PCGF5: variants seen among roughly 807,000 people sequenced by gnomAD.
PCGF5 encodes the protein polycomb group ring finger 5, also known as polycomb group RING finger protein 5.
Under a neutral mutation model 44.3 loss-of-function variants are expected in PCGF5, and 9 were observed. The ratio of observed to expected loss-of-function variants is 0.20; its 90% CI spans 0.12 to 0.35. The LOEUF is 0.35. Ranked by LOEUF, PCGF5 falls within the 10% of genes least tolerant of loss-of-function variation. PCGF5 has a pLI of 1.00. For synonymous variants in PCGF5, 95 were observed against 102.5 expected (o/e 0.93, Z 0.44); for missense variants, 146 against 305.3 (o/e 0.48, Z 3.89).
intron 9 of PCGF5, 33 bp from the exon 10 acceptor site, chr10:91,278,234 TAC>T (rs1269988583): frequency 1.3e-6 from 2 of 1,510,130 alleles, no homozygotes; most frequent in East Asian, 4.5e-5. Flanking sequence ...TTTATCCAAA[TAC>T]AGTCTTATTT....
chr10:91,173,965 A>G (rs1175564368), intron 1 of PCGF5, among the ~76,000 whole-genome samples: 1 of 151,930 alleles, frequency 6.6e-6, no homozygotes, highest in Non-Finnish European at 1.5e-5. Context: ...AGTATTGATG[A>G]TGATTTTGGG....
intron 7 of PCGF5, among the ~76,000 whole-genome samples, chr10:91,264,091 AG>A (rs1845989777): frequency 6.6e-6 from 1 of 152,192 alleles, no homozygotes; most frequent in African/African-American, 2.4e-5. Flanking sequence ...TTGTTCAGAA[AG>A]GGGCAGTCAC....
chr10:91,252,457 T>C (rs1845644836), intron 6 of PCGF5, among the ~76,000 whole-genome samples: 1 of 152,034 alleles, frequency 6.6e-6, no homozygotes, highest in Middle Eastern at 3.2e-3. Flanking sequence ...ATGTGAACAG[T>C]AGACAGTGAA....
At chr10:91,257,389 T>G (rs1254747159) in intron 6 of PCGF5, among the ~76,000 whole-genome samples, 1 of 152,124 alleles carries the variant, frequency 6.6e-6, no homozygotes, top group Non-Finnish European at 1.5e-5. Flanking sequence ...TGGAAAACAC[T>G]TTAGCAGTTC....
At chr10:91,172,599 G>GGGTC (rs1019297611) in intron 1 of PCGF5, among the ~76,000 whole-genome samples, 4 of 152,230 alleles carry the variant, frequency 2.6e-5, no homozygotes, top group African/African-American at 9.6e-5. Context: ...AGGAATGGAT[G>GGGTC]GGTCATCTCT....
Position 91,248,705 on chromosome 10 carries a change from G to C in PCGF5, c.306G>C (p.Lys102Asn). The change falls in exon 5 of 10, where the codon AAG (lysine) becomes AAC (asparagine). Residue 102 changes from lysine to asparagine, a missense_variant. By Grantham distance (94) the Lys-to-Asn change is moderately conservative. This residue lies in a region of PCGF5 where 123 missense variants were observed against 268.6 expected (regional missense o/e 0.46). Coordinates refer to ENST00000336126, the MANE Select transcript of PCGF5 (RefSeq NM_032373.5). ...AATCTGAATTTTGGAAGAAAAATAA[G>C]CCTCAAGAAAATGGACAAGGTGACT... ...ERESEFWKKN[K>N]PQENGQDDTS... is the part of the protein sequence containing the mutation. 6.2e-7 allele frequency: 1 copy of C among 1,608,906 alleles called. No individual in the cohort carries two copies. Among genetic ancestry groups the C allele is most frequent in the Non-Finnish European group, 8.5e-7 (1 of 1,177,778 alleles).
At chr10:91,277,156 C>A (rs1210965227) in intron 9 of PCGF5, among the ~76,000 whole-genome samples, 2 of 152,160 alleles carry the variant, frequency 1.3e-5, no homozygotes, top group Non-Finnish European at 2.9e-5. Flanking sequence ...CCCTCTAGTT[C>A]CATCCTGAGC....
intron 6 of PCGF5, 112 bp downstream of exon 6, chr10:91,251,552 A>T: frequency 9.9e-7 from 1 of 1,012,090 alleles, no homozygotes; most frequent in Non-Finnish European, 1.5e-6. Context: ...GTTTTAATTA[A>T]CATAATTAAA....
intron 3 of PCGF5, among the ~76,000 whole-genome samples, chr10:91,242,138 G>T (rs1201669894): frequency 6.6e-6 from 1 of 150,410 alleles, no homozygotes; most frequent in East Asian, 1.9e-4. Flanking sequence ...AATATCTGGA[G>T]ACATTTTTGG....
chr10:91,202,500 G>T (rs910324433), intron 1 of PCGF5, among the ~76,000 whole-genome samples: 4 of 152,188 alleles, frequency 2.6e-5, no homozygotes, highest in African/African-American at 9.7e-5. Context: ...GGATAAATTT[G>T]TAAGCTCTTA....
intron 1 of PCGF5, among the ~76,000 whole-genome samples, chr10:91,182,185 T>G (rs1843831085): frequency 6.6e-6 from 1 of 152,030 alleles, no homozygotes; most frequent in African/African-American, 2.4e-5. Context: ...TTCAATTTTT[T>G]GGAATAGTTC....
chr10:91,169,005 G>T (rs1373106364), intron 1 of PCGF5, among the ~76,000 whole-genome samples: 1 of 150,616 alleles, frequency 6.6e-6, no homozygotes, highest in Non-Finnish European at 1.5e-5. Flanking sequence ...GGTTGCAAGT[G>T]CAGAGGAAAG....
chr10:91,233,731 T>A (rs1845074457), intron 2 of PCGF5, among the ~76,000 whole-genome samples: 2 of 152,144 alleles, frequency 1.3e-5, no homozygotes, highest in Non-Finnish European at 2.9e-5. Flanking sequence ...AGTTTACTTA[T>A]AAACTGTTAG....
chr10:91,216,119 C>G (rs966107301), upstream of PCGF5, among the ~76,000 whole-genome samples: 18 of 152,196 alleles, frequency 1.2e-4, no homozygotes, highest in African/African-American at 4.3e-4. Context: ...GGCTTACACT[C>G]TAGTGGGAGA....
chr10:91,157,364 T>G, the PCGF5 span, among the ~76,000 whole-genome samples: 1 of 152,328 alleles, frequency 6.6e-6, no homozygotes, highest in Admixed American at 6.5e-5. Flanking sequence ...CAATATAAAC[T>G]CATATTTTAT....
intron 1 of PCGF5, among the ~76,000 whole-genome samples, chr10:91,190,158 C>T (rs1410952509): frequency 6.6e-6 from 1 of 152,174 alleles, no homozygotes. Flanking sequence ...CCAGGTGGCA[C>T]CTGATCCCTG....
chr10:91,281,835 A>G lies in PCGF5; in HGVS notation c.*3519A>G, dbSNP rs1248257949. On this transcript the variant is annotated 3_prime_UTR_variant, in exon 10 of 10. Coordinates refer to ENST00000336126, the MANE Select transcript of PCGF5 (RefSeq NM_032373.5). ...CTTTCAAATATGTTCATTGTTTTTC[A>G]GCATCATCTAACAGATCTTAGTAAA... 6.6e-6 allele frequency: 1 copy of G among 152,246 alleles called. No individual in the cohort carries two copies. 9.4% of individuals were successfully genotyped at this position (152,246 alleles called of 1,614,324 possible). A position where few individuals can be genotyped will look rare whatever the true frequency, so the allele number is the denominator to read the frequency against.
intron 1 of PCGF5, among the ~76,000 whole-genome samples, chr10:91,195,485 T>TATAG (rs1197621729): frequency 0.018 from 2,066 of 113,496 alleles, 21 homozygotes; most frequent in Non-Finnish European, 0.027. Flanking sequence ...TATATATATA[T>TATAG]AGAGAGAGAG....
At chr10:91,173,578 C>CTTGTTTTTTTTTTTTTTTT (rs1843650630) in intron 1 of PCGF5, among the ~76,000 whole-genome samples, 1 of 115,628 alleles carries the variant, frequency 8.6e-6, no homozygotes, top group African/African-American at 3.4e-5. Flanking sequence ...AGGGAGTTGG[C>CTTGTTTTTTTTTTTTTTTT]TTTTTTTTTT....
Sources: gnomAD v4.1 joint callset for allele counts (sites outside exome capture counted in the v4.1 genomes callset) on GRCh38, gnomAD v4.1.1 for gene constraint, gnomAD v4.1.1 regional missense constraint, MANE v1.5 for transcripts, NCBI Gene and HGNC (gene_info 2026-07-23, HGNC 2026-07-21) for gene names.